ADAMTS2: variants seen among roughly 807,000 people sequenced by gnomAD.
ADAMTS2 encodes the protein A disintegrin and metalloproteinase with thrombospondin motifs 2.
A neutral mutation model predicts 123.0 loss-of-function variants in ADAMTS2; 50 were observed. That is an observed-to-expected ratio of 0.41 (90% CI 0.32 to 0.51). ADAMTS2 has a LOEUF of 0.51. Ranked by LOEUF, ADAMTS2 falls within the 20% of genes least tolerant of loss-of-function variation. The probability of loss-of-function intolerance (pLI) is 0.35; values close to 1 mark genes in which losing one functional copy is unlikely to be tolerated. For synonymous variants in ADAMTS2, 678 were observed against 695.4 expected, an observed-to-expected ratio of 0.98 and a Z score of 0.39; for missense variants, 1,494 against 1,705.2, an observed-to-expected ratio of 0.88 and a Z score of 2.18.
chr5:179,267,210 G>T (rs1766397910), intron 3 of ADAMTS2, among the ~76,000 whole-genome samples: 1 of 152,200 alleles, frequency 6.6e-6, no homozygotes, highest in African/African-American at 2.4e-5. Flanking sequence ...GAGACTGTGG[G>T]TCAGGAGGGG....
intron 4 of ADAMTS2, among the ~76,000 whole-genome samples, chr5:179,200,271 G>A (rs1288768623): frequency 2.5e-5 from 3 of 120,726 alleles, no homozygotes; most frequent in Admixed American, 9.4e-5. Context: ...TTTTTTGAGA[G>A]AGAATCTCAC....
At chr5:179,251,746 G>A (rs1277562849) in intron 3 of ADAMTS2, among the ~76,000 whole-genome samples, 4 of 152,280 alleles carry the variant, frequency 2.6e-5, no homozygotes, top group Non-Finnish European at 2.9e-5. Flanking sequence ...AATGGCCATC[G>A]AGGAGAAGCT....
chr5:179,212,847 G>A (rs1007477985), intron 3 of ADAMTS2, among the ~76,000 whole-genome samples: 12 of 152,074 alleles, frequency 7.9e-5, no homozygotes, highest in African/African-American at 2.7e-4. Flanking sequence ...TGCTAAGGGT[G>A]GCTGGGTGTT....
chr5:179,125,722 G>A (rs1049307218), intron 18 of ADAMTS2, among the ~76,000 whole-genome samples: 2 of 152,246 alleles, frequency 1.3e-5, no homozygotes, highest in Non-Finnish European at 2.9e-5. Context: ...CCGTGGTACA[G>A]GGCCAGGAGG....
chr5:179,207,471 A>ACCCAC, intron 4 of ADAMTS2, 42 bp downstream of exon 4: 1 of 1,026,474 alleles, frequency 9.7e-7, no homozygotes, highest in Non-Finnish European at 1.5e-6. Flanking sequence ...CCCCTGGTTG[A>ACCCAC]CCCTCCCCGC....
chr5:179,223,406 GCAGT>G (rs1765180422), intron 3 of ADAMTS2, among the ~76,000 whole-genome samples: 1 of 97,822 alleles, frequency 1.0e-5, no homozygotes, highest in African/African-American at 4.0e-5. Flanking sequence ...ACACACGCAT[GCAGT>G]CACATACACA....
At chr5:179,264,251 G>GC (rs1031439411) in intron 3 of ADAMTS2, among the ~76,000 whole-genome samples, 4 of 152,060 alleles carry the variant, frequency 2.6e-5, no homozygotes, top group African/African-American at 9.7e-5. Context: ...TCCCCATTAT[G>GC]CAGGGTGCCC....
At chr5:179,205,181 AC>A (rs1764649842) in intron 4 of ADAMTS2, among the ~76,000 whole-genome samples, 2 of 152,156 alleles carry the variant, frequency 1.3e-5, no homozygotes, top group Non-Finnish European at 2.9e-5. Flanking sequence ...TGACAGAGAG[AC>A]CCTGGGCACC....
intron 3 of ADAMTS2, among the ~76,000 whole-genome samples, chr5:179,220,931 G>C (rs1157666259): frequency 2.6e-5 from 4 of 152,106 alleles, no homozygotes; most frequent in Non-Finnish European, 4.4e-5. Context: ...CTGTGCAAAT[G>C]AGGCCCTCTC....
At chr5:179,163,503 C>G (rs1037454212) in intron 5 of ADAMTS2, among the ~76,000 whole-genome samples, 2 of 152,126 alleles carry the variant, frequency 1.3e-5, no homozygotes, top group African/African-American at 4.8e-5. Flanking sequence ...AACACTGGCT[C>G]AAATTGAAAT....
At chr5:179,283,728 C>A (rs1273169540) in intron 2 of ADAMTS2, among the ~76,000 whole-genome samples, 1 of 151,266 alleles carries the variant, frequency 6.6e-6, no homozygotes, top group African/African-American at 2.4e-5. Context: ...CCCATCTGTC[C>A]TAAAAATACA....
At chr5:179,160,298 A>G (rs1261013259) in intron 5 of ADAMTS2, among the ~76,000 whole-genome samples, 1 of 152,162 alleles carries the variant, frequency 6.6e-6, no homozygotes, top group African/African-American at 2.4e-5. Flanking sequence ...GTCTCTACTA[A>G]AAATGCAAAA....
At chr5:179,322,927 G>A (rs2113596666) in intron 2 of ADAMTS2, among the ~76,000 whole-genome samples, 1 of 152,356 alleles carries the variant, frequency 6.6e-6, no homozygotes, top group African/African-American at 2.4e-5. Context: ...CTCTCCTCCT[G>A]AGCACGGTGT....
chr5:179,263,477 G>A (rs1250627134), intron 3 of ADAMTS2, among the ~76,000 whole-genome samples: 1 of 152,248 alleles, frequency 6.6e-6, no homozygotes. Context: ...CAGCGCACCA[G>A]CCACCTCTCC....
intron 3 of ADAMTS2, among the ~76,000 whole-genome samples, chr5:179,257,678 CA>C (rs1394397704): frequency 3.3e-5 from 5 of 152,198 alleles, no homozygotes; most frequent in Admixed American, 2.0e-4. Flanking sequence ...CCTCTCTTGA[CA>C]TTCCCGAAAG....
chr5:179,324,857 A>G (rs1561747318), intron 2 of ADAMTS2, among the ~76,000 whole-genome samples: 1 of 152,176 alleles, frequency 6.6e-6, no homozygotes, highest in Non-Finnish European at 1.5e-5. Flanking sequence ...TTGCTGGAAG[A>G]GGGGTGATGA....
At chr5:179,249,106 A>G (rs1198821257) in intron 3 of ADAMTS2, among the ~76,000 whole-genome samples, 1 of 152,184 alleles carries the variant, frequency 6.6e-6, no homozygotes, top group African/African-American at 2.4e-5. Context: ...ATTCACAAAT[A>G]TGTAGAAATT....
intron 2 of ADAMTS2, among the ~76,000 whole-genome samples, chr5:179,292,478 G>A (rs952473314): frequency 6.6e-6 from 1 of 152,014 alleles, no homozygotes; most frequent in Admixed American, 6.6e-5. Flanking sequence ...AAATGTGTTC[G>A]TGCTTCTCCT....
chr5:179,252,430 TC>T (rs1765951603), intron 3 of ADAMTS2, among the ~76,000 whole-genome samples: 1 of 152,218 alleles, frequency 6.6e-6, no homozygotes, highest in African/African-American at 2.4e-5. Flanking sequence ...TAGACCTTTT[TC>T]TTTTCTAATG....
Sources: gnomAD v4.1 joint callset for allele counts (sites outside exome capture counted in the v4.1 genomes callset) on GRCh38, gnomAD v4.1.1 for gene constraint, MANE v1.5 for transcripts, NCBI Gene and HGNC (gene_info 2026-07-23, HGNC 2026-07-21) for gene names.